ALX1: variants seen among roughly 807,000 people sequenced by gnomAD.
The protein encoded by ALX1 is ALX homeobox protein 1.
A neutral mutation model predicts 31.7 loss-of-function variants in ALX1; 19 were observed. That is an observed-to-expected ratio of 0.60 (90% CI 0.42 to 0.88). The LOEUF is 0.88. Among genes scored for constraint, ALX1 ranks in the 40% least tolerant of loss-of-function variants. The pLI is 0.00. For synonymous variants in ALX1, 153 were observed against 148.8 expected, an observed-to-expected ratio of 1.03 and a Z score of -0.20; for missense variants, 415 against 407.8, an observed-to-expected ratio of 1.02 and a Z score of -0.15.
intron 3 of ALX1, among the ~76,000 whole-genome samples, chr12:85,297,296 T>C (rs544080620): frequency 9.9e-5 from 15 of 151,782 alleles, no homozygotes; most frequent in African/African-American, 3.6e-4. Flanking sequence ...GGGTAAACGG[T>C]ATTGATAAGC....
chr12:85,280,472 T>G lies in ALX1; in HGVS notation c.211T>G (p.Cys71Gly), dbSNP rs777754230. The G allele has an allele frequency of 6.2e-7, 1 of 1,611,072 alleles. No homozygotes were observed. Among genetic ancestry groups the G allele is most frequent in the Non-Finnish European group, 8.5e-7 (1 of 1,179,930 alleles). ...HHVRLERTSP[C>G]QDSSVNYGIT... ...CGTGCGCTTGGAGAGGACCTCGCCC[T>G]GTCAGGACAGCAGCGGTGAGTCGCT... Residue 71 changes from cysteine (C) to glycine (G), a missense_variant, in exon 1 of 4, where the codon TGT (cysteine) becomes GGT (glycine). By Grantham distance (159) the Cys-to-Gly change is radical. Transcript: ENST00000316824.
At chr12:85,280,673 C>A (rs933986252) in intron 1 of ALX1, among the ~76,000 whole-genome samples, 186 bp downstream of exon 1, 20 of 152,194 alleles carry the variant, frequency 1.3e-4, no homozygotes, top group Non-Finnish European at 2.6e-4. Flanking sequence ...CCTTTGGGGG[C>A]GGAGGGCGGA....
chr12:85,291,474 C>A (rs1441953798), intron 3 of ALX1, among the ~76,000 whole-genome samples: 1 of 150,594 alleles, frequency 6.6e-6, no homozygotes, highest in Non-Finnish European at 1.5e-5. Context: ...TATGGCAAAA[C>A]CAAAGAATTT....
chr12:85,292,364 A>C (rs1331666102), intron 3 of ALX1, among the ~76,000 whole-genome samples: 2 of 151,156 alleles, frequency 1.3e-5, no homozygotes, highest in Admixed American at 1.3e-4. Flanking sequence ...TCAGAAAAAG[A>C]ATTGAAGTGC....
intron 2 of ALX1, among the ~76,000 whole-genome samples, chr12:85,286,079 T>C (rs1177465478): frequency 7.2e-5 from 11 of 151,992 alleles, no homozygotes; most frequent in African/African-American, 2.7e-4. Flanking sequence ...CTATTTCTTA[T>C]ATTATTTCCA....
At chr12:85,282,951 T>G (rs2137376035) in intron 1 of ALX1, among the ~76,000 whole-genome samples, 1 of 152,044 alleles carries the variant, frequency 6.6e-6, no homozygotes, top group African/African-American at 2.4e-5. Flanking sequence ...GTATTCAAAA[T>G]TTGGCATGAA....
intron 3 of ALX1, among the ~76,000 whole-genome samples, chr12:85,290,285 A>T (rs1453101807): frequency 6.6e-6 from 1 of 151,204 alleles, no homozygotes; most frequent in Non-Finnish European, 1.5e-5. Flanking sequence ...ATTTAAAGCC[A>T]GACACTGTGC....
At chr12:85,290,329 A>C (rs191886237) in intron 3 of ALX1, among the ~76,000 whole-genome samples, 63 of 151,320 alleles carry the variant, frequency 4.2e-4, no homozygotes, top group African/African-American at 1.3e-3. Flanking sequence ...GTTTAATTTA[A>C]GCTCAGGTTT....
rs776816728 is a variant in ALX1 at position 85,283,837 on chromosome 12, G to C, written c.492G>C (p.Gln164His). Residue 164 changes from glutamine (Q) to histidine (H), a missense_variant, in exon 2 of 4, where the codon CAG becomes CAC. Gln to His is a conservative substitution (Grantham distance 24). Coordinates refer to ENST00000316824, the MANE Select transcript of ALX1 (RefSeq NM_006982.3). ...ACCCGGATGTGTATGTCAGAGAACA[G>C]CTTGCTCTGAGGACAGAGCTCACTG... ...THYPDVYVRE[Q>H]LALRTELTEA... is the part of the protein sequence containing the mutation. 6.2e-7 allele frequency: 1 copy of C among 1,614,100 alleles called. No individual in the cohort carries two copies.
intron 3 of ALX1, among the ~76,000 whole-genome samples, chr12:85,299,229 G>A (rs1358108947): frequency 6.6e-6 from 1 of 150,572 alleles, no homozygotes; most frequent in Non-Finnish European, 1.5e-5. Flanking sequence ...GTAGCACAAT[G>A]TGTGTGATTG....
intron 3 of ALX1, among the ~76,000 whole-genome samples, chr12:85,293,070 C>T (rs1423732391): frequency 2.0e-5 from 3 of 150,472 alleles, no homozygotes; most frequent in African/African-American, 7.3e-5. Flanking sequence ...AAAATGTTAC[C>T]ATCATTTTCA....
Position 85,301,514 on chromosome 12 carries a change from TA to T in ALX1, c.*42del. 6.3e-7 allele frequency: 1 copy of T among 1,588,016 alleles called. No individual in the cohort carries two copies. The highest frequency in any genetic ancestry group is 1.3e-5 in the African/African-American group (1 of 74,566). ...TTTATTTTTCTTTTAATAGCAAAGTTAAACATTCTTATTTCTCATATTTAAA... is the reference window on the plus strand; with the variant it reads ...TTTATTTTTCTTTTAATAGCAAAGTTAACATTCTTATTTCTCATATTTAAA... On this transcript the variant is annotated 3_prime_UTR_variant, in exon 4 of 4. Transcript: ENST00000316824.
In ALX1 at chr12:85,301,312, G is replaced by A. The variant is rs533643665; in HGVS notation, c.818G>A (p.Ser273Asn). Residue 273 changes from serine (S) to asparagine (N), a missense_variant, in exon 4 of 4, where the codon AGC becomes AAC. Coordinates refer to ENST00000316824, the MANE Select transcript of ALX1 (RefSeq NM_006982.3). ...TTTTCAAACCACCAGAACCAGTTCA[G>A]CCACGTGCCCCTCAACAATTTTTTC... ...TGFSNHQNQF[S>N]HVPLNNFFTD... The A allele has an allele frequency of 3.1e-6, 5 of 1,613,978 alleles. No individual in the cohort carries two copies. The highest frequency in any genetic ancestry group is 1.1e-5 in the South Asian group (1 of 91,082).
At chr12:85,299,711 C>T (rs915725932) in intron 3 of ALX1, among the ~76,000 whole-genome samples, 1 of 151,786 alleles carries the variant, frequency 6.6e-6, no homozygotes, top group Non-Finnish European at 1.5e-5. Context: ...GACAGAGTAC[C>T]TTTTTACCAG....
Position 85,301,710 on chromosome 12 carries a change from G to T in ALX1, c.*235G>T. The T allele has an allele frequency of 3.6e-6, 2 of 557,642 alleles. No homozygotes were observed. Among genetic ancestry groups the T allele is most frequent in the Non-Finnish European group, 6.3e-6 (2 of 317,690 alleles). The allele number at this position is 557,642 out of a possible 1,614,324, so 34.5% of individuals were successfully genotyped here. A position where few individuals can be genotyped will look rare whatever the true frequency, so the allele number is the denominator to read the frequency against. The stretch of plus-strand genomic sequence containing the variant: ...TCCACAAACCCTGTTTTAGTAGTAA[G>T]GTTTTCTTTTTCTATTGTACAAGTC... On this transcript the variant is annotated 3_prime_UTR_variant, in exon 4 of 4. Transcript: ENST00000316824.
chr12:85,291,255 C>T (rs1272540614), intron 3 of ALX1, among the ~76,000 whole-genome samples: 2 of 151,044 alleles, frequency 1.3e-5, no homozygotes, highest in African/African-American at 4.8e-5. Context: ...ATATGCCATG[C>T]ACTGTTGCAG....
At position 85,280,512 on chromosome 12, in the gene ALX1, A is replaced by G. The variant is rs762520703; in HGVS notation, c.226+25A>G. On this transcript the variant is annotated intron_variant, in intron 1 of 3. Transcript: ENST00000316824. ...GGTGAGTCGCTAGCGCCCCAGCCGGAGCCGCCGCAGCCCTTCCGCAATCGA... is the reference window on the plus strand; with the variant it reads ...GGTGAGTCGCTAGCGCCCCAGCCGGGGCCGCCGCAGCCCTTCCGCAATCGA... The G allele has an allele frequency of 2.4e-5, 38 of 1,603,620 alleles. No homozygotes were observed. In the South Asian group the frequency reaches 3.9e-4, roughly 16 times the overall value.
intron 3 of ALX1, among the ~76,000 whole-genome samples, chr12:85,292,995 T>A (rs1263414673): frequency 1.3e-5 from 2 of 150,250 alleles, no homozygotes; most frequent in Non-Finnish European, 3.0e-5. Context: ...TGCTTTTACA[T>A]CCATGAAACA....
At chr12:85,283,109 C>G (rs1335901701) in intron 1 of ALX1, among the ~76,000 whole-genome samples, 1 of 152,092 alleles carries the variant, frequency 6.6e-6, no homozygotes, top group Non-Finnish European at 1.5e-5. Context: ...AGGATAATAA[C>G]TTTCAGATAT....
Sources: allele counts gnomAD v4.1 joint callset (sites outside exome capture counted in the v4.1 genomes callset), GRCh38; gene constraint gnomAD v4.1.1; transcripts MANE v1.5; gene names NCBI Gene and HGNC (gene_info 2026-07-23, HGNC 2026-07-21).